GALNT18: variants seen among roughly 807,000 people sequenced by gnomAD.
GALNT18 encodes GalNAc-transferase 18.
Under a neutral mutation model 69.5 loss-of-function variants are expected in GALNT18, and 44 were observed. That is an observed-to-expected ratio of 0.63 (90% CI 0.50 to 0.81). The LOEUF (loss-of-function observed/expected upper bound fraction) is 0.81. GALNT18 is among the 40% of genes least tolerant of loss of function. GALNT18 has a pLI of 0.00. For synonymous variants in GALNT18, 364 were observed against 318.2 expected (o/e 1.14, Z -1.53); for missense variants, 715 against 810.0 (o/e 0.88, Z 1.42).
At chr11:11,440,983 C>T (rs770427703) in intron 2 of GALNT18, among the ~76,000 whole-genome samples, 13 of 152,206 alleles carry the variant, frequency 8.5e-5, no homozygotes, top group Non-Finnish European at 1.6e-4. Flanking sequence ...GTTTTAACTA[C>T]TACTCTATAA....
At chr11:11,274,804 G>T (rs908531812) in intron 10 of GALNT18, among the ~76,000 whole-genome samples, 4 of 152,122 alleles carry the variant, frequency 2.6e-5, no homozygotes, top group African/African-American at 9.7e-5. Context: ...CGTGGTGTTT[G>T]GTTTTCTGTT....
At chr11:11,477,019 G>A (rs541296847) in intron 1 of GALNT18, among the ~76,000 whole-genome samples, 170 of 152,298 alleles carry the variant, frequency 1.1e-3, no homozygotes, top group Non-Finnish European at 1.9e-3. Flanking sequence ...CTGGATGACC[G>A]ACCTCCCACC....
At position 11,582,620 on chromosome 11, in the gene GALNT18, G is replaced by T. The variant is rs942194084; in HGVS notation, c.235+38739C>A. ...GCCCAGTTCCTGGATTGTAGATATC[G>T]TGTGAAGCAGCGCAGACTTTCAGTA... On this transcript the variant is annotated intron_variant, in intron 1 of 10. Coordinates refer to ENST00000227756, the MANE Select transcript of GALNT18 (RefSeq NM_198516.3). The surrounding 1 kb of genome is among the most constrained non-coding windows in gnomAD (Gnocchi z 5.0). 6.6e-6 allele frequency among the ~76,000 whole-genome samples: 1 copy of T among 152,220 alleles called. No homozygotes were observed. Among genetic ancestry groups the T allele is most frequent in the Non-Finnish European group, 1.5e-5 (1 of 68,052 alleles).
At chr11:11,501,129 C>A (rs183550172) in intron 1 of GALNT18, among the ~76,000 whole-genome samples, 6 of 152,340 alleles carry the variant, frequency 3.9e-5, no homozygotes, top group Admixed American at 3.9e-4. Flanking sequence ...CCATTTTCCC[C>A]AGACTTGACA....
At chr11:11,529,440 T>A (rs1400400664) in intron 1 of GALNT18, among the ~76,000 whole-genome samples, 2 of 152,160 alleles carry the variant, frequency 1.3e-5, no homozygotes, top group East Asian at 3.9e-4. Context: ...TGAACATTTG[T>A]TCTTCTTGGG....
intron 1 of GALNT18, among the ~76,000 whole-genome samples, chr11:11,527,165 C>T (rs1260498814): frequency 6.6e-6 from 1 of 152,096 alleles, no homozygotes; most frequent in Non-Finnish European, 1.5e-5. Context: ...CTTGAAGGCA[C>T]CCCCCAACCC....
At position 11,542,189 on chromosome 11, in the gene GALNT18, C is replaced by T. The variant is rs915455067; in HGVS notation, c.235+79170G>A. Among the ~76,000 whole-genome samples, 3 of 152,192 alleles carry T rather than the reference C, an allele frequency of 2.0e-5. No individual in the cohort carries two copies. Among genetic ancestry groups the T allele is most frequent in the African/African-American group, 7.2e-5 (3 of 41,454 alleles). On this transcript the variant is annotated intron_variant, in intron 1 of 10. Coordinates refer to ENST00000227756, the MANE Select transcript of GALNT18 (RefSeq NM_198516.3). This position sits in a 1 kb window ranked among gnomAD's most constrained non-coding sequence, Gnocchi z 4.3. Reference sequence around the variant, plus strand: ...GACCATTAAAGACTTTGCCCAAAGGCTGTGGCTGCGTCTTAGAAAGCAAAG... The same window carrying T: ...GACCATTAAAGACTTTGCCCAAAGGTTGTGGCTGCGTCTTAGAAAGCAAAG...
chr11:11,289,347 T>C (rs1345428492), intron 10 of GALNT18, among the ~76,000 whole-genome samples: 2 of 152,202 alleles, frequency 1.3e-5, no homozygotes, highest in African/African-American at 2.4e-5. Context: ...GGATCAAATA[T>C]ATGGTTGCCA....
At chr11:11,525,935 C>T (rs181888838) in intron 1 of GALNT18, among the ~76,000 whole-genome samples, 4 of 152,170 alleles carry the variant, frequency 2.6e-5, no homozygotes, top group South Asian at 2.1e-4. Flanking sequence ...TGCCCGGCCA[C>T]GCATATCACA....
intron 6 of GALNT18, among the ~76,000 whole-genome samples, chr11:11,346,953 T>C (rs373150276): frequency 1.3e-5 from 2 of 152,076 alleles, no homozygotes; most frequent in South Asian, 2.1e-4. Flanking sequence ...GAATAATGAT[T>C]CCCCAGGTTT....
intron 1 of GALNT18, among the ~76,000 whole-genome samples, chr11:11,549,399 G>C (rs1858138314): frequency 1.3e-5 from 2 of 152,212 alleles, no homozygotes; most frequent in Non-Finnish European, 2.9e-5. Context: ...ACCTAAAAAG[G>C]CTTGGTCTGC....
intron 9 of GALNT18, among the ~76,000 whole-genome samples, chr11:11,312,169 A>G (rs562790900): frequency 2.7e-4 from 40 of 146,508 alleles, no homozygotes; most frequent in Non-Finnish European, 4.8e-4. Flanking sequence ...TGTTAGCCAG[A>G]ATGGTCTCCT....
chr11:11,569,900 A>G (rs1426893242), intron 1 of GALNT18, among the ~76,000 whole-genome samples: 1 of 152,172 alleles, frequency 6.6e-6, no homozygotes, highest in African/African-American at 2.4e-5. Context: ...GGAGACAGGA[A>G]AAGCTCAGGA....
In GALNT18 at chr11:11,592,511, C is replaced by A. The variant is rs1184074236; in HGVS notation, c.235+28848G>T. 6.6e-6 allele frequency among the ~76,000 whole-genome samples: 1 copy of A among 152,164 alleles called. No homozygotes were observed. Among genetic ancestry groups the A allele is most frequent in the African/African-American group, 2.4e-5 (1 of 41,422 alleles). On this transcript the variant is annotated intron_variant, in intron 1 of 10. Coordinates refer to ENST00000227756, the MANE Select transcript of GALNT18 (RefSeq NM_198516.3). This position sits in a 1 kb window ranked among gnomAD's most constrained non-coding sequence, Gnocchi z 5.9. Reference sequence around the variant, plus strand: ...TCCTACCATGGCTCCCTGGCAGAACCATGCTCCCTCACCTTACCCCCACAC... The same window carrying A: ...TCCTACCATGGCTCCCTGGCAGAACAATGCTCCCTCACCTTACCCCCACAC...
At chr11:11,448,476 T>C (rs1472272709) in intron 2 of GALNT18, among the ~76,000 whole-genome samples, 5 of 152,232 alleles carry the variant, frequency 3.3e-5, no homozygotes, top group African/African-American at 1.2e-4. Context: ...TGTGAGATGA[T>C]TGTAGTGTCC....
intron 1 of GALNT18, among the ~76,000 whole-genome samples, chr11:11,557,309 C>T (rs923839303): frequency 4.6e-5 from 7 of 152,022 alleles, no homozygotes; most frequent in African/African-American, 9.7e-5. Flanking sequence ...TAAGGTAGTA[C>T]CCGCATTTTT....
At chr11:11,384,188 C>G (rs1256187853) in intron 3 of GALNT18, among the ~76,000 whole-genome samples, 1 of 152,028 alleles carries the variant, frequency 6.6e-6, no homozygotes, top group Admixed American at 6.6e-5. Context: ...TGTTGAAATC[C>G]TAACCCCCAG....
chr11:11,527,481 T>A (rs985448637), intron 1 of GALNT18, among the ~76,000 whole-genome samples: 8 of 152,228 alleles, frequency 5.3e-5, no homozygotes, highest in Non-Finnish European at 1.0e-4. Flanking sequence ...TAAGTAAATG[T>A]CCACATGAGC....
rs7130022 is a variant in GALNT18, at chr11:11,563,312, C to T, written c.235+58047G>A. 0.073 allele frequency among the ~76,000 whole-genome samples: 11,049 copies of T among 152,170 alleles called. 646 individuals are homozygous for T. The highest frequency in any genetic ancestry group is 0.24 in the East Asian group (1,262 of 5,156). On this transcript the variant is annotated intron_variant, in intron 1 of 10. Transcript: ENST00000227756. This position sits in a 1 kb window ranked among gnomAD's most constrained non-coding sequence, Gnocchi z 4.6. ...AGCTCCATCTGCAGTCTTTTCTTTC[C>T]GGAAGCTTTGCTCCAGTCATCTAAG...
Sources: allele counts gnomAD v4.1 joint callset (sites outside exome capture counted in the v4.1 genomes callset), GRCh38; gene constraint gnomAD v4.1.1; non-coding constraint Gnocchi (gnomAD v3.1); transcripts MANE v1.5; gene names NCBI Gene and HGNC (gene_info 2026-07-23, HGNC 2026-07-21).